The following AP1G1 variants were observed in gnomAD, a reference collection of about 807,000 sequenced individuals.
The protein encoded by AP1G1 is AP-1 complex subunit gamma-1.
A neutral mutation model predicts 108.3 loss-of-function variants in AP1G1; 7 were observed. The observed-to-expected ratio is 0.06, with a 90% CI of 0.04 to 0.12. The LOEUF is 0.12. Among genes scored for constraint, AP1G1 ranks in the 10% least tolerant of loss-of-function variants. The probability of loss-of-function intolerance (pLI) is 1.00; values close to 1 mark genes in which losing one functional copy is unlikely to be tolerated. For missense variants in AP1G1, 756 were observed against 1,010.7 expected (o/e 0.75, Z 3.42); for synonymous variants, 379 against 353.5 (o/e 1.07, Z -0.81).
At chr16:71,797,207 C>A (rs2032618022) in intron 1 of AP1G1, among the ~76,000 whole-genome samples, 1 of 151,866 alleles carries the variant, frequency 6.6e-6, no homozygotes, top group Non-Finnish European at 1.5e-5. Context: ...GAAGTATCAT[C>A]AAATTCTCAA....
intron 21 of AP1G1, among the ~76,000 whole-genome samples, chr16:71,738,056 T>G (rs563358652): frequency 1.3e-5 from 2 of 152,288 alleles, no homozygotes; most frequent in African/African-American, 4.8e-5. Flanking sequence ...ACTCTTTGTT[T>G]GTTTGTTTTG....
chr16:71,760,007 G>C (rs2031000966), intron 10 of AP1G1, among the ~76,000 whole-genome samples: 1 of 151,900 alleles, frequency 6.6e-6, no homozygotes, highest in African/African-American at 2.4e-5. Context: ...ATTTAACTTA[G>C]TATGTTAGTG....
chr16:71,769,055 G>A (rs1211050639), intron 6 of AP1G1, among the ~76,000 whole-genome samples: 1 of 149,626 alleles, frequency 6.7e-6, no homozygotes, highest in Non-Finnish European at 1.5e-5. Flanking sequence ...GGCTGAGGCG[G>A]GCTGATCACC....
At chr16:71,775,856 G>A (rs1290575537) in intron 2 of AP1G1, among the ~76,000 whole-genome samples, 1 of 152,214 alleles carries the variant, frequency 6.6e-6, no homozygotes, top group Non-Finnish European at 1.5e-5. Context: ...TTACATCATT[G>A]TTAGAAATAG....
In AP1G1 at chr16:71,745,558, G is replaced by T; in HGVS notation, c.1787C>A (p.Thr596Asn). The T allele has an allele frequency of 1.2e-6, 2 of 1,614,184 alleles. No homozygotes were observed. The highest frequency in any genetic ancestry group is 1.7e-5 in the Admixed American group (1 of 60,022). Reference protein sequence around the residue: ...VMEKVTTNGPTEIVQTNGETE... With the variant: ...VMEKVTTNGPNEIVQTNGETE... ...CTCTCCATTTGTCTGCACAATCTCA[G>T]TAGGGCCATTTGTGGTCACTTTTTC... The change falls in exon 18 of 23, where the codon ACT (threonine) becomes AAT (asparagine). Residue 596 changes from threonine to asparagine, a missense_variant. Transcript: ENST00000299980.
At chr16:71,747,248 C>T (rs1270828867) in intron 16 of AP1G1, 5 of 152,122 alleles carry the variant, frequency 3.3e-5, no homozygotes, top group African/African-American at 1.2e-4. Context: ...TGAGAATCTA[C>T]TTTATTCAAA....
At chr16:71,808,594 G>A in intron 1 of AP1G1, 169 bp downstream of exon 1, 1 of 1,289,504 alleles carries the variant, frequency 7.8e-7, no homozygotes, top group Non-Finnish European at 1.0e-6. Flanking sequence ...AGTCGGAGCA[G>A]CCCCTGGGGC....
At chr16:71,800,287 C>A (rs1460930475) in intron 1 of AP1G1, among the ~76,000 whole-genome samples, 9 of 147,260 alleles carry the variant, frequency 6.1e-5, no homozygotes, top group Non-Finnish European at 1.3e-4. Flanking sequence ...AGGAGAATGG[C>A]GTGAACCCAG....
intron 17 of AP1G1, among the ~76,000 whole-genome samples, chr16:71,746,386 A>G (rs2030183324): frequency 6.6e-6 from 1 of 152,216 alleles, no homozygotes; most frequent in Admixed American, 6.5e-5. Context: ...TTGGAGGTGG[A>G]ATGAAAGAGA....
rs771700181 is a variant in AP1G1 at position 71,761,584 on chromosome 16, T to C, written c.919-17A>G. ...GGCTAGGACCTAAAGAGAAACAGCA[T>C]AGGTCGAAATTTAGGAAAATGGAAG... On this transcript the variant is annotated splice_polypyrimidine_tract_variant and intron_variant, in intron 9 of 22. Transcript: ENST00000299980. 6.3e-6 allele frequency: 10 copies of C among 1,590,236 alleles called. No homozygotes were observed. Among genetic ancestry groups the C allele is most frequent in the Admixed American group, 1.7e-5 (1 of 58,496 alleles).
intron 9 of AP1G1, among the ~76,000 whole-genome samples, chr16:71,763,885 G>T (rs1379006523): frequency 6.6e-6 from 1 of 152,010 alleles, no homozygotes; most frequent in East Asian, 1.9e-4. Context: ...AAAAATGAGG[G>T]AAATGAAAAA....
At chr16:71,750,142 A>G (rs1328522823) in intron 14 of AP1G1, 68 bp downstream of exon 14, 5 of 1,583,588 alleles carry the variant, frequency 3.2e-6, no homozygotes, top group East Asian at 2.2e-5. Context: ...GGGAAAAAAA[A>G]GAAGAAAAAC....
At chr16:71,807,678 G>C (rs1345666342) in intron 1 of AP1G1, 5 of 577,448 alleles carry the variant, frequency 8.7e-6, no homozygotes, top group Non-Finnish European at 1.4e-5. Flanking sequence ...GTATTTTTTA[G>C]AATCAGTCAG....
chr16:71,741,391 T>C (rs2045619536), intron 19 of AP1G1, among the ~76,000 whole-genome samples: 1 of 152,168 alleles, frequency 6.6e-6, no homozygotes, highest in Non-Finnish European at 1.5e-5. Context: ...GAGACCAGCC[T>C]GGCCAACACA....
intron 21 of AP1G1, 125 bp downstream of exon 21, chr16:71,738,817 T>TA: frequency 2.4e-6 from 2 of 845,262 alleles, no homozygotes; most frequent in Non-Finnish European, 3.6e-6. Context: ...ACATTATTGT[T>TA]AGTTTGAATT....
intron 12 of AP1G1, 68 bp from the exon 13 acceptor site, chr16:71,753,955 C>A: frequency 6.8e-7 from 1 of 1,474,112 alleles, no homozygotes; most frequent in South Asian, 1.2e-5. Flanking sequence ...ACTAGAAAAT[C>A]CTGCCCAAGC....
chr16:71,759,056 A>G (rs1255460703), intron 10 of AP1G1, 135 bp from the exon 11 acceptor site: 3 of 608,428 alleles, frequency 4.9e-6, no homozygotes, highest in Non-Finnish European at 5.7e-6. Context: ...AAAGTTAGTG[A>G]ACATAAAAGT....
At chr16:71,777,136 T>G in intron 2 of AP1G1, among the ~76,000 whole-genome samples, 1 of 80,382 alleles carries the variant, frequency 1.2e-5, no homozygotes, top group South Asian at 4.3e-4. Flanking sequence ...AAAAAAAAAC[T>G]ATACCAAAAA....
chr16:71,777,196 C>G (rs1386243684), intron 2 of AP1G1, among the ~76,000 whole-genome samples: 1 of 150,204 alleles, frequency 6.7e-6, no homozygotes, highest in African/African-American at 2.5e-5. Context: ...CCAGCCCACC[C>G]CCAGTCTGGC....
Sources: allele counts gnomAD v4.1 joint callset (sites outside exome capture counted in the v4.1 genomes callset), GRCh38; gene constraint gnomAD v4.1.1; transcripts MANE v1.5; gene names NCBI Gene and HGNC (gene_info 2026-07-23, HGNC 2026-07-21).